Variants in MICAL1 observed in about 807,000 individuals in gnomAD.
MICAL1 encodes the protein [F-actin]-monooxygenase MICAL1.
In MICAL1, 95 loss-of-function variants were observed where a neutral mutation model predicts 131.8. The observed-to-expected ratio is 0.72, with a 90% CI of 0.61 to 0.86. MICAL1 has a LOEUF of 0.86. MICAL1 is among the 40% of genes least tolerant of loss of function. MICAL1 has a pLI of 0.00. For missense variants in MICAL1, 1,292 were observed against 1,380.6 expected (o/e 0.94, Z 1.02); for synonymous variants, 546 against 554.2 (o/e 0.99, Z 0.21).
In MICAL1 at chr6:109,453,743, G is replaced by C; in HGVS notation, c.361C>G (p.Arg121Gly). 1 of 1,613,802 alleles carries C rather than the reference G, an allele frequency of 6.2e-7. No individual in the cohort carries two copies. The highest frequency in any genetic ancestry group is 1.7e-5 in the Admixed American group (1 of 60,032). The change falls in exon 3 of 25, where the codon CGC becomes GGC. Residue 121 changes from arginine (R) to glycine (G), a missense_variant. By Grantham distance (125) the Arg-to-Gly change is moderately radical (BLOSUM62 -2). Coordinates refer to ENST00000358807, the MANE Select transcript of MICAL1 (RefSeq NM_022765.4). Reference protein sequence around the residue: ...VLVEKRTKFSRHNVLHLWPFT... With the variant: ...VLVEKRTKFSGHNVLHLWPFT... The stretch of plus-strand genomic sequence containing the variant: ...GGCCAGAGGTGGAGCACGTTGTGGC[G>C]AGAGAACTTGGTGCGCTTTTCCACC...
Position 109,455,529 on chromosome 6 carries a change from C to T in MICAL1, c.-44+190G>A. The T allele has an allele frequency of 5.1e-6, 1 of 197,814 alleles. No homozygotes were observed. The highest frequency in any genetic ancestry group is 9.1e-6 in the Non-Finnish European group (1 of 109,642). The allele number at this position is 197,814 out of a possible 1,614,324, so 12.3% of individuals were successfully genotyped here. A position where few individuals can be genotyped will look rare whatever the true frequency, so the allele number is the denominator to read the frequency against. On this transcript the variant is annotated intron_variant, in intron 1 of 24. Coordinates refer to ENST00000358807, the MANE Select transcript of MICAL1 (RefSeq NM_022765.4). The surrounding 1 kb of genome is among the most constrained non-coding windows in gnomAD (Gnocchi z 4.7). ...GGAGAGGGAGCTGGACCGCGGGCGG[C>T]AGCGGTGGGGGTCCCCGACACTGGA...
chr6:109,461,432 C>T (rs1162990353), intron 1 of MICAL1, among the ~76,000 whole-genome samples: 1 of 152,104 alleles, frequency 6.6e-6, no homozygotes, highest in Non-Finnish European at 1.5e-5. Context: ...ACTTTCACTA[C>T]TATTGTTTTA....
In MICAL1 at chr6:109,454,238, G is replaced by C; in HGVS notation, c.-42C>G. On this transcript the variant is annotated splice_region_variant and 5_prime_UTR_variant, in exon 2 of 25. Transcript: ENST00000358807. ...GGGCAGCAGCTGGGCAGAGATGAGT[G>C]GCTGGAGAGGTGGAAAAAGAAGGGG... 6.4e-7 allele frequency: 1 copy of C among 1,554,016 alleles called. No individual in the cohort carries two copies. Among genetic ancestry groups the C allele is most frequent in the Non-Finnish European group, 8.7e-7 (1 of 1,149,346 alleles).
chr6:109,445,457 G>T lies in MICAL1; in HGVS notation c.2746C>A (p.Arg916Ser), dbSNP rs201867336. The change falls in exon 21 of 25, where the codon CGT becomes AGT. Residue 916 changes from arginine to serine, a missense_variant. By Grantham distance (110) the Arg-to-Ser change is moderately radical. Transcript: ENST00000358807. The stretch of plus-strand genomic sequence containing the variant: ...CTCTTCATCTCCTCCTCCTTCGCAC[G>T]GCGCAGCAGAGTCCGACGCCATGTT... Reference protein sequence around the residue: ...YPTWRRTLLRRAKEEEMKRFC... With the variant: ...YPTWRRTLLRSAKEEEMKRFC... The T allele has an allele frequency of 1.2e-6, 2 of 1,614,062 alleles. No homozygotes were observed. The highest frequency in any genetic ancestry group is 1.7e-5 in the Admixed American group (1 of 60,032).
In MICAL1 at chr6:109,446,744, G is replaced by C. The variant is rs773273668; in HGVS notation, c.2256C>G (p.Pro752=). 4 of 1,613,724 alleles carry C rather than the reference G, an allele frequency of 2.5e-6. No homozygotes were observed. The African/African-American group carries it at 5.3e-5, about 22-fold the overall frequency. ...TGCCTTCCGCTTTGTGGTCTGTCTG[G>C]GGCAGGTGCTGGAGGCAGTAGAAAT... The part of the protein sequence containing the change: ...DGHFYCLQHL[P]QTDHKAEGSD... The change falls in exon 18 of 25, where the codon CCC becomes CCG. Residue 752 remains proline (P), a synonymous_variant. Transcript: ENST00000358807.
chr6:109,446,864 G>T, intron 17 of MICAL1, 92 bp from the exon 18 acceptor site: 3 of 1,362,344 alleles, frequency 2.2e-6, no homozygotes, highest in South Asian at 2.5e-5. Context: ...GGGAAAACAA[G>T]ACAGATTTGC....
chr6:109,445,157 A>C, intron 22 of MICAL1, 40 bp downstream of exon 22: 2 of 1,607,358 alleles, frequency 1.2e-6, no homozygotes, highest in Non-Finnish European at 1.7e-6. Context: ...AGCTGAACAC[A>C]GTGCTAGAAG....
chr6:109,451,907 A>G (rs1775559627), intron 6 of MICAL1: 5 of 1,387,534 alleles, frequency 3.6e-6, no homozygotes, highest in Middle Eastern at 2.7e-4. Context: ...CAAAGAGGGA[A>G]GCTTGGAGGG....
chr6:109,445,745 T>C, intron 20 of MICAL1, 26 bp downstream of exon 20: 1 of 1,600,540 alleles, frequency 6.2e-7, no homozygotes, highest in Non-Finnish European at 8.5e-7. Flanking sequence ...GGAGAGCGTT[T>C]TGTGGCTGCA....
chr6:109,453,951 G>A lies in MICAL1; in HGVS notation c.246C>T (p.Cys82=), dbSNP rs759557884. 6.2e-7 allele frequency: 1 copy of A among 1,613,626 alleles called. No individual in the cohort carries two copies. Among genetic ancestry groups the A allele is most frequent in the South Asian group, 1.1e-5 (1 of 91,068 alleles). ...ACCGTGTATCCACCTTGGTGCTGGT[G>A]CAGGCCCGGCCCTGCTGGTAGACAG... ...GQPVYQQGRA[C]TSTKCLVVGA... The change falls in exon 2 of 25, where the codon TGC becomes TGT. Residue 82 remains cysteine (C), a synonymous_variant. Transcript: ENST00000358807.
chr6:109,455,660 C>T lies in MICAL1; in HGVS notation c.-44+59G>A. ...CCGCAGCTGCGTTTCCCCGGAAGCG[C>T]ACCCCACCTCACCCCACCCGGCCGC... is the stretch of plus-strand genomic sequence containing the variant. On this transcript the variant is annotated intron_variant, in intron 1 of 24. Transcript: ENST00000358807. This position sits in a 1 kb window ranked among gnomAD's most constrained non-coding sequence, Gnocchi z 4.7. 1 of 975,588 alleles carries T rather than the reference C, an allele frequency of 1.0e-6. No homozygotes were observed. Among genetic ancestry groups the T allele is most frequent in the African/African-American group, 1.7e-5 (1 of 57,218 alleles). 60.4% of individuals were successfully genotyped at this position (975,588 alleles called of 1,614,324 possible). A position where few individuals can be genotyped will look rare whatever the true frequency, so the allele number is the denominator to read the frequency against.
rs746951003 is a variant in MICAL1, at chr6:109,445,757, G to A, written c.2673+14C>T. 3.1e-6 allele frequency: 5 copies of A among 1,606,202 alleles called. No individual in the cohort carries two copies. The highest frequency in any genetic ancestry group is 2.2e-5 in the East Asian group (1 of 44,780). The stretch of plus-strand genomic sequence containing the variant: ...GCTGGAGAGCGTTTTGTGGCTGCAC[G>A]CTGGCCCACTCACCTGTTCCACATC... On this transcript the variant is annotated intron_variant, in intron 20 of 24. Coordinates refer to ENST00000358807, the MANE Select transcript of MICAL1 (RefSeq NM_022765.4).
At chr6:109,452,855 C>A (rs1178118145) in intron 4 of MICAL1, among the ~76,000 whole-genome samples, 1 of 152,150 alleles carries the variant, frequency 6.6e-6, no homozygotes, top group Admixed American at 6.5e-5. Context: ...CAAGGCCACA[C>A]TATTAGAAAA....
chr6:109,448,567 T>C, intron 12 of MICAL1, 165 bp downstream of exon 12: 1 of 1,286,708 alleles, frequency 7.8e-7, no homozygotes, highest in Non-Finnish European at 1.1e-6. Context: ...TACTCCTGGC[T>C]TTGGGGGCCT....
At chr6:109,449,249 C>A (rs767922911) in intron 11 of MICAL1, 151 bp downstream of exon 11, 1 of 844,940 alleles carries the variant, frequency 1.2e-6, no homozygotes, top group Non-Finnish European at 2.0e-6. Flanking sequence ...CCCTCCGTTC[C>A]TCCAGCAGGC....
intron 4 of MICAL1, among the ~76,000 whole-genome samples, chr6:109,452,873 C>T (rs950014665): frequency 6.6e-6 from 1 of 152,160 alleles, no homozygotes; most frequent in Admixed American, 6.5e-5. Context: ...AAAGGAGACT[C>T]CTGGCTGGCA....
intron 14 of MICAL1, 40 bp from the exon 15 acceptor site, chr6:109,447,762 G>C: frequency 6.2e-7 from 1 of 1,613,846 alleles, no homozygotes; most frequent in Middle Eastern, 1.7e-4. Context: ...GATGTTTTGA[G>C]GTCCCAGTCC....
At position 109,452,358 on chromosome 6, in the gene MICAL1, G is replaced by A. The variant is rs756482768; in HGVS notation, c.720C>T (p.Ile240=). The A allele has an allele frequency of 6.2e-7, 1 of 1,614,206 alleles. No individual in the cohort carries two copies. The highest frequency in any genetic ancestry group is 1.1e-5 in the South Asian group (1 of 91,084). ...REMRGKLAIG[I]TANFVNGRTV... is the part of the protein sequence containing the mutation. ...TGCGTCCATTCACAAAGTTGGCTGT[G>A]ATGCCAATGGCCAGTTTGCCTCGCA... The change falls in exon 6 of 25, where the codon ATC becomes ATT. Residue 240 remains isoleucine, a synonymous_variant. Transcript: ENST00000358807.
intron 6 of MICAL1, 88 bp from the exon 7 acceptor site, chr6:109,451,788 C>G: frequency 6.4e-7 from 1 of 1,559,264 alleles, no homozygotes; most frequent in Admixed American, 1.8e-5. Flanking sequence ...GACCTCTGAG[C>G]TGGGATCCCA....
Sources: allele counts gnomAD v4.1 joint callset (sites outside exome capture counted in the v4.1 genomes callset), GRCh38; gene constraint gnomAD v4.1.1; non-coding constraint Gnocchi (gnomAD v3.1); transcripts MANE v1.5; gene names NCBI Gene and HGNC (gene_info 2026-07-23, HGNC 2026-07-21).